Variants in ARHGAP35 observed in about 807,000 individuals in gnomAD.
ARHGAP35 encodes the protein Rho GTPase activating protein 35, also known as rho GTPase-activating protein 35.
In ARHGAP35, 15 loss-of-function variants were observed where a neutral mutation model predicts 111.1. The ratio of observed to expected loss-of-function variants is 0.13; its 90% confidence interval spans 0.09 to 0.21. The LOEUF is 0.21. Among genes scored for constraint, ARHGAP35 ranks in the 10% least tolerant of loss-of-function variants. ARHGAP35 has a pLI of 1.00. For missense variants in ARHGAP35, 1,262 were observed against 1,873.0 expected, an observed-to-expected ratio of 0.67 and a Z score of 6.02; for synonymous variants, 643 against 710.3, an observed-to-expected ratio of 0.91 and a Z score of 1.51.
At chr19:46,866,251 C>T (rs775162246) in intron 1 of ARHGAP35, among the ~76,000 whole-genome samples, 1 of 152,138 alleles carries the variant, frequency 6.6e-6, no homozygotes, top group African/African-American at 2.4e-5. Context: ...AATTGAGATT[C>T]TTTGCATGAA....
intron 2 of ARHGAP35, among the ~76,000 whole-genome samples, chr19:46,924,320 G>T (rs909737971): frequency 7.2e-5 from 11 of 152,308 alleles, no homozygotes; most frequent in African/African-American, 2.2e-4. Context: ...GAGGAACAGG[G>T]TGCCATCACC....
At position 47,001,625 on chromosome 19, in the gene ARHGAP35, G is replaced by C; in HGVS notation, c.*937G>C. On this transcript the variant is annotated 3_prime_UTR_variant, in exon 7 of 7. Coordinates refer to ENST00000672722, the MANE Select transcript of ARHGAP35 (RefSeq NM_004491.5). The surrounding 1 kb of genome is among the most constrained non-coding windows in gnomAD (Gnocchi z 5.4). ...CCCCGTTTTCCCAAGAAGAGGGTTCGAGCCCTTGGTGGGGACAGCTGGGGA... is the reference window on the plus strand; with the variant it reads ...CCCCGTTTTCCCAAGAAGAGGGTTCCAGCCCTTGGTGGGGACAGCTGGGGA... 2 of 366,502 alleles carry C rather than the reference G, an allele frequency of 5.5e-6. No homozygotes were observed. The highest frequency in any genetic ancestry group is 4.3e-5 in the South Asian group (2 of 46,796). The allele number at this position is 366,502 out of a possible 1,614,324, so 22.7% of individuals were successfully genotyped here. A position where few individuals can be genotyped will look rare whatever the true frequency, so the allele number is the denominator to read the frequency against.
intron 3 of ARHGAP35, among the ~76,000 whole-genome samples, chr19:46,944,774 C>A (rs2056368940): frequency 6.6e-6 from 1 of 152,162 alleles, no homozygotes; most frequent in African/African-American, 2.4e-5. Context: ...ACTTTCTTAC[C>A]TCAATTTACT....
rs1229126157 is a variant in ARHGAP35, at chr19:46,922,861, C to G, written c.3681+505C>G. ...CAAATCAGTGACGAGTCTTTGAGTA[C>G]ATAAATGAAAAAAGAGAATCTTGCC... On this transcript the variant is annotated intron_variant, in intron 2 of 6. Transcript: ENST00000672722. The surrounding 1 kb of genome is among the most constrained non-coding windows in gnomAD (Gnocchi z 4.0). 6.6e-6 allele frequency among the ~76,000 whole-genome samples: 1 copy of G among 152,096 alleles called. No homozygotes were observed. The highest frequency in any genetic ancestry group is 2.4e-5 in the African/African-American group (1 of 41,410).
intron 3 of ARHGAP35, chr19:46,947,150 T>C (rs1206233134): frequency 1.3e-5 from 2 of 152,126 alleles, no homozygotes; most frequent in Non-Finnish European, 2.9e-5. Context: ...CTTACCATCT[T>C]TTTTGTGGGG....
At chr19:46,893,806 G>A (rs916559326) in intron 1 of ARHGAP35, among the ~76,000 whole-genome samples, 1 of 151,434 alleles carries the variant, frequency 6.6e-6, no homozygotes, top group Non-Finnish European at 1.5e-5. Context: ...AAAATGTATT[G>A]GGGGGGAAGT....
chr19:46,884,884 T>A (rs923849139), intron 1 of ARHGAP35, among the ~76,000 whole-genome samples: 2 of 152,150 alleles, frequency 1.3e-5, no homozygotes, highest in African/African-American at 4.8e-5. Context: ...GCCTGGCTAC[T>A]TTTTAAAATT....
chr19:46,921,789 T>G lies in ARHGAP35; in HGVS notation c.3114T>G (p.Pro1038=). The G allele has an allele frequency of 3.1e-6, 5 of 1,613,880 alleles. No individual in the cohort carries two copies. The highest frequency in any genetic ancestry group is 4.2e-6 in the Non-Finnish European group (5 of 1,179,874). ...NFESKLNNKV[P]PPVKPKPPVH... ...AGAGTAAACTGAACAACAAAGTACCTCCGCCAGTCAAACCAAAGCCTCCTG... is the reference window on the plus strand; with the variant it reads ...AGAGTAAACTGAACAACAAAGTACCGCCGCCAGTCAAACCAAAGCCTCCTG... Residue 1038 remains proline, a synonymous_variant, in exon 2 of 7, where the codon CCT becomes CCG. Coordinates refer to ENST00000672722, the MANE Select transcript of ARHGAP35 (RefSeq NM_004491.5). The surrounding 1 kb of genome is among the most constrained non-coding windows in gnomAD (Gnocchi z 4.3).
At chr19:46,975,630 A>C (rs1231350557) in intron 3 of ARHGAP35, among the ~76,000 whole-genome samples, 2 of 140,168 alleles carry the variant, frequency 1.4e-5, no homozygotes, top group Non-Finnish European at 3.3e-5. Context: ...GAGGCCGTTC[A>C]CAGCCCATCA....
chr19:46,884,305 C>T (rs1299837595), intron 1 of ARHGAP35, among the ~76,000 whole-genome samples: 1 of 151,860 alleles, frequency 6.6e-6, no homozygotes, highest in Non-Finnish European at 1.5e-5. Context: ...AAAACAACAA[C>T]AACAAAAAGG....
chr19:46,981,715 T>C (rs2056621167), intron 3 of ARHGAP35, among the ~76,000 whole-genome samples: 1 of 152,228 alleles, frequency 6.6e-6, no homozygotes, highest in African/African-American at 2.4e-5. Context: ...ACCACAGCTC[T>C]GACAGGGCAG....
chr19:46,874,517 T>TC (rs2055905371), intron 1 of ARHGAP35, among the ~76,000 whole-genome samples: 1 of 149,356 alleles, frequency 6.7e-6, no homozygotes, highest in Non-Finnish European at 1.5e-5. Flanking sequence ...TTTTTTTTTT[T>TC]TTTTGAGTCG....
intron 1 of ARHGAP35, among the ~76,000 whole-genome samples, chr19:46,904,450 A>T (rs2056095817): frequency 6.6e-6 from 1 of 152,140 alleles, no homozygotes; most frequent in African/African-American, 2.4e-5. Flanking sequence ...TCAGCGAGAC[A>T]CAGGGTCATC....
intron 1 of ARHGAP35, among the ~76,000 whole-genome samples, chr19:46,884,981 G>A (rs890202159): frequency 2.0e-5 from 3 of 152,132 alleles, no homozygotes; most frequent in African/African-American, 4.8e-5. Context: ...ACCTCCCAAC[G>A]TGTTGGGATT....
intron 1 of ARHGAP35, among the ~76,000 whole-genome samples, chr19:46,881,868 C>A (rs564977957): frequency 1.3e-5 from 2 of 152,294 alleles, no homozygotes; most frequent in African/African-American, 4.8e-5. Flanking sequence ...TCAAGGTGGG[C>A]TAGGTCTTCT....
chr19:46,973,993 C>T (rs1411565419), intron 3 of ARHGAP35, among the ~76,000 whole-genome samples: 1 of 151,002 alleles, frequency 6.6e-6, no homozygotes, highest in Non-Finnish European at 1.5e-5. Context: ...GAGACTCCAT[C>T]TCAAAAAAAA....
intron 3 of ARHGAP35, among the ~76,000 whole-genome samples, chr19:46,955,125 G>A (rs1244391811): frequency 6.6e-6 from 1 of 152,146 alleles, no homozygotes; most frequent in Non-Finnish European, 1.5e-5. Flanking sequence ...TCACTAACAC[G>A]AGGTGAAGAA....
At chr19:46,931,468 A>T (rs1255711516) in intron 2 of ARHGAP35, among the ~76,000 whole-genome samples, 1 of 152,180 alleles carries the variant, frequency 6.6e-6, no homozygotes, top group African/African-American at 2.4e-5. Flanking sequence ...ACTCTGCCAC[A>T]GTCGGGAGTT....
rs570421331 is a variant in ARHGAP35 at position 46,931,501 on chromosome 19, A to C, written c.3682-5763A>C. Reference sequence around the variant, plus strand: ...GTTTCCTCTTTATGCCCTGTGTCTGAAAAGCCGAGAGACCAGAGGTAGTTG... The same window carrying C: ...GTTTCCTCTTTATGCCCTGTGTCTGCAAAGCCGAGAGACCAGAGGTAGTTG... On this transcript the variant is annotated intron_variant, in intron 2 of 6. Transcript: ENST00000672722. Among the ~76,000 whole-genome samples the C allele has an allele frequency of 2.0e-5, 3 of 152,276 alleles. No individual in the cohort carries two copies. The South Asian group carries it at 6.2e-4, about 32-fold the overall frequency.
Sources: gnomAD v4.1 joint callset for allele counts (sites outside exome capture counted in the v4.1 genomes callset) on GRCh38, gnomAD v4.1.1 for gene constraint, Gnocchi (gnomAD v3.1) non-coding constraint, MANE v1.5 for transcripts, NCBI Gene and HGNC (gene_info 2026-07-23, HGNC 2026-07-21) for gene names.